SLC41A2: variants seen among roughly 807,000 people sequenced by gnomAD.
SLC41A2 encodes the protein solute carrier family 41 member 2, also known as SLC41A1-like 1.
Under a neutral mutation model 58.3 loss-of-function variants are expected in SLC41A2, and 32 were observed. The observed-to-expected ratio is 0.55, with a 90% CI of 0.41 to 0.74. SLC41A2 has a LOEUF of 0.74. Among genes scored for constraint, SLC41A2 ranks in the 30% least tolerant of loss-of-function variants. SLC41A2 has a pLI of 0.00. For synonymous variants in SLC41A2, 190 were observed against 235.0 expected, an observed-to-expected ratio of 0.81 and a Z score of 1.75; for missense variants, 514 against 680.6, an observed-to-expected ratio of 0.76 and a Z score of 2.72.
In SLC41A2 at chr12:104,927,900, C is replaced by T. The variant is rs1385319914; in HGVS notation, c.555+73G>A. Reference sequence around the variant, plus strand: ...AAAGTGAATGTTTGAGAGTAGTAACCTACATAAAGCATTTTAAACAGAAAT... The same window carrying T: ...AAAGTGAATGTTTGAGAGTAGTAACTTACATAAAGCATTTTAAACAGAAAT... On this transcript the variant is annotated intron_variant, in intron 2 of 10. Coordinates refer to ENST00000258538, the MANE Select transcript of SLC41A2 (RefSeq NM_001352171.3). The T allele has an allele frequency of 3.7e-6, 5 of 1,347,952 alleles. No homozygotes were observed. In the African/African-American group the frequency reaches 4.4e-5, roughly 12 times the overall value. The allele number at this position is 1,347,952 out of a possible 1,614,324, so 83.5% of individuals were successfully genotyped here.
intron 3 of SLC41A2, among the ~76,000 whole-genome samples, chr12:104,900,460 A>G (rs796531505): frequency 3.9e-5 from 6 of 152,342 alleles, no homozygotes; most frequent in African/African-American, 1.4e-4. Context: ...TAGTTTTTAC[A>G]GGTATATATT....
chr12:104,811,247 G>A (rs118023749), intron 10 of SLC41A2, among the ~76,000 whole-genome samples: 3,464 of 152,192 alleles, frequency 0.023, 65 homozygotes, highest in Middle Eastern at 0.061. Context: ...TATTCACCAC[G>A]TCTGTTGTAA....
chr12:104,899,633 A>C (rs2045462930), intron 3 of SLC41A2, among the ~76,000 whole-genome samples: 1 of 152,124 alleles, frequency 6.6e-6, no homozygotes, highest in Admixed American at 6.5e-5. Flanking sequence ...TTTGAGCACA[A>C]TTTATGCTCA....
In SLC41A2 at chr12:104,805,344, G is replaced by A; in HGVS notation, c.1537-7C>T. The stretch of plus-strand genomic sequence containing the variant: ...TCCACAGCAAGGTAAATACCTAGAA[G>A]AGAACAACAGAGATTACTCCGGCTG... On this transcript the variant is annotated splice_region_variant and splice_polypyrimidine_tract_variant and intron_variant, in intron 10 of 10. Coordinates refer to ENST00000258538, the MANE Select transcript of SLC41A2 (RefSeq NM_001352171.3). 1 of 1,608,488 alleles carries A rather than the reference G, an allele frequency of 6.2e-7. No individual in the cohort carries two copies. The highest frequency in any genetic ancestry group is 8.5e-7 in the Non-Finnish European group (1 of 1,177,306).
At chr12:104,833,855 C>T (rs1184113984) in intron 10 of SLC41A2, among the ~76,000 whole-genome samples, 1 of 151,082 alleles carries the variant, frequency 6.6e-6, no homozygotes, top group East Asian at 1.9e-4. Context: ...TGGCAAATTT[C>T]CTGAGTAATT....
At chr12:104,853,135 T>C (rs1490981610) in intron 8 of SLC41A2, among the ~76,000 whole-genome samples, 11 of 152,242 alleles carry the variant, frequency 7.2e-5, no homozygotes, top group Non-Finnish European at 4.4e-5. Flanking sequence ...GAAGAAATTA[T>C]CAGCAGGTTA....
intron 1 of SLC41A2, among the ~76,000 whole-genome samples, chr12:104,945,658 T>C (rs1273690281): frequency 2.0e-5 from 3 of 152,244 alleles, no homozygotes; most frequent in Non-Finnish European, 4.4e-5. Flanking sequence ...TTGGACATAC[T>C]GCTTTGCATC....
chr12:104,920,942 AAATAAT>A (rs375829328), intron 2 of SLC41A2, among the ~76,000 whole-genome samples: 5 of 151,106 alleles, frequency 3.3e-5, no homozygotes, highest in Non-Finnish European at 5.9e-5. Flanking sequence ...AAATAAAATA[AAATAAT>A]AATAATAATA....
chr12:104,897,467 CT>C (rs930388807), intron 3 of SLC41A2, among the ~76,000 whole-genome samples: 5 of 148,024 alleles, frequency 3.4e-5, no homozygotes, highest in African/African-American at 2.5e-5. Context: ...TAATCAGTTT[CT>C]TTTTTTTTTC....
intron 10 of SLC41A2, among the ~76,000 whole-genome samples, chr12:104,809,649 A>T (rs1010623934): frequency 5.9e-5 from 9 of 152,140 alleles, no homozygotes; most frequent in African/African-American, 2.2e-4. Flanking sequence ...TAAAATCTGG[A>T]TTTGATTTTC....
chr12:104,854,476 T>C (rs1211302009), intron 8 of SLC41A2, among the ~76,000 whole-genome samples: 2 of 150,734 alleles, frequency 1.3e-5, no homozygotes, highest in Non-Finnish European at 2.9e-5. Flanking sequence ...GGCAGGAGAA[T>C]GGCGTGAACC....
intron 8 of SLC41A2, 66 bp downstream of exon 8, chr12:104,861,225 T>C (rs1167468335): frequency 5.1e-6 from 6 of 1,184,936 alleles, no homozygotes; most frequent in Admixed American, 1.9e-5. Flanking sequence ...AGACTTCTAA[T>C]AGTACCTAAG....
chr12:104,923,235 G>A (rs572692147), intron 2 of SLC41A2, among the ~76,000 whole-genome samples: 17 of 146,250 alleles, frequency 1.2e-4, no homozygotes, highest in African/African-American at 3.5e-4. Flanking sequence ...GGTGGCGGGC[G>A]CCTGTAGTCC....
At chr12:104,834,681 TA>T (rs35615983) in intron 10 of SLC41A2, among the ~76,000 whole-genome samples, 679 of 143,120 alleles carry the variant, frequency 4.7e-3, no homozygotes, top group Admixed American at 5.2e-3. Context: ...CATCATGATT[TA>T]AAAAAAAAAA....
At chr12:104,955,472 G>T (rs569130290) in intron 1 of SLC41A2, among the ~76,000 whole-genome samples, 1 of 152,076 alleles carries the variant, frequency 6.6e-6, no homozygotes, top group Admixed American at 6.5e-5. Context: ...CACTACCCCC[G>T]GTGTTTCCTC....
At chr12:104,860,627 C>G (rs1185348424) in intron 8 of SLC41A2, among the ~76,000 whole-genome samples, 1 of 151,816 alleles carries the variant, frequency 6.6e-6, no homozygotes, top group Non-Finnish European at 1.5e-5. Flanking sequence ...CTCTGTTTCC[C>G]AGGCTAGCAT....
intron 8 of SLC41A2, among the ~76,000 whole-genome samples, chr12:104,858,013 A>G (rs1285983269): frequency 6.6e-6 from 1 of 152,160 alleles, no homozygotes; most frequent in Admixed American, 6.5e-5. Context: ...AAAGAAAATA[A>G]AAAAATAAAG....
chr12:104,912,607 T>C (rs1315903657), intron 2 of SLC41A2, among the ~76,000 whole-genome samples: 2 of 152,178 alleles, frequency 1.3e-5, no homozygotes, highest in Non-Finnish European at 2.9e-5. Context: ...ATCTGTATTC[T>C]TTGTAATAAC....
intron 10 of SLC41A2, among the ~76,000 whole-genome samples, chr12:104,812,111 C>T (rs1289259959): frequency 6.6e-6 from 1 of 152,220 alleles, no homozygotes; most frequent in Non-Finnish European, 1.5e-5. Context: ...GTTCTGAGAA[C>T]AGTGGCAGGC....
Sources: allele counts gnomAD v4.1 joint callset (sites outside exome capture counted in the v4.1 genomes callset), GRCh38; gene constraint gnomAD v4.1.1; transcripts MANE v1.5; gene names NCBI Gene and HGNC (gene_info 2026-07-23, HGNC 2026-07-21).